CHD1: variants seen among roughly 807,000 people sequenced by gnomAD.
CHD1 encodes the protein chromodomain helicase DNA binding protein 1.
A neutral mutation model predicts 224.2 loss-of-function variants in CHD1; 36 were observed. That is an observed-to-expected ratio of 0.16 (90% CI 0.12 to 0.21). CHD1 has a LOEUF of 0.21. Among genes scored for constraint, CHD1 ranks in the 10% least tolerant of loss-of-function variants. The pLI is 1.00. For missense variants in CHD1, 1,378 were observed against 1,994.8 expected (o/e 0.69, Z 5.89); for synonymous variants, 668 against 658.3 (o/e 1.01, Z -0.23).
chr5:98,859,721 A>G (rs1028157078), intron 33 of CHD1, among the ~76,000 whole-genome samples: 2 of 152,076 alleles, frequency 1.3e-5, no homozygotes, highest in African/African-American at 4.8e-5. Flanking sequence ...GTTTCTCTAT[A>G]AAGTTATTAT....
rs1485727052 is a variant in CHD1, at chr5:98,899,483, C to G, written c.1082G>C (p.Arg361Thr). 7 of 1,572,950 alleles carry G rather than the reference C, an allele frequency of 4.5e-6. No individual in the cohort carries two copies. The highest frequency in any genetic ancestry group is 6.1e-6 in the Non-Finnish European group (7 of 1,144,910). Residue 361 changes from arginine (R) to threonine (T), a missense_variant, in exon 8 of 36, where the codon AGA becomes ACA. Arg to Thr is a moderately conservative substitution (Grantham distance 71). Coordinates refer to ENST00000614616, the MANE Select transcript of CHD1 (RefSeq NM_001270.4). ...NYKKKDQETK[R>T]WLKNASPEDV... is the part of the protein sequence containing the mutation. ...ATATGATATACAGCATACTTACCATCTTTTTGTTTCCTGATCTTTTTTCTT... is the reference window on the plus strand; with the variant it reads ...ATATGATATACAGCATACTTACCATGTTTTTGTTTCCTGATCTTTTTTCTT...
intron 20 of CHD1, 145 bp downstream of exon 20, chr5:98,881,830 T>G: frequency 1.6e-6 from 1 of 644,658 alleles, no homozygotes; most frequent in South Asian, 2.7e-5. Context: ...GTATGTCTTC[T>G]AACTAGAAAT....
intron 2 of CHD1, among the ~76,000 whole-genome samples, chr5:98,917,299 C>CAAAAAAAAAAAAAAAAAAAAA (rs70984334): frequency 5.1e-4 from 61 of 119,800 alleles, no homozygotes; most frequent in African/African-American, 6.7e-4. Context: ...AACAAAGAAA[C>CAAAAAAAAAAAAAAAAAAAAA]AAAAAAAAAA....
At chr5:98,868,847 C>A in intron 30 of CHD1, 1 of 581,310 alleles carries the variant, frequency 1.7e-6, no homozygotes, top group Non-Finnish European at 2.7e-6. Flanking sequence ...GAAGGTAAAG[C>A]ATTAAAGAGT....
chr5:98,914,958 C>T (rs1308129933), intron 2 of CHD1, among the ~76,000 whole-genome samples: 2 of 152,106 alleles, frequency 1.3e-5, no homozygotes, highest in Non-Finnish European at 2.9e-5. Context: ...GACCACTGTC[C>T]ACTTTAGCAT....
chr5:98,919,142 T>A (rs1250845311), intron 2 of CHD1, among the ~76,000 whole-genome samples: 1 of 152,224 alleles, frequency 6.6e-6, no homozygotes, highest in Admixed American at 6.5e-5. Context: ...ACAATTCTCC[T>A]GGGAATCTTA....
intron 2 of CHD1, among the ~76,000 whole-genome samples, chr5:98,906,464 C>T (rs1035792191): frequency 2.6e-5 from 4 of 151,946 alleles, no homozygotes; most frequent in Non-Finnish European, 1.5e-5. Flanking sequence ...TTTATTTTTC[C>T]CTTAACATAA....
intron 2 of CHD1, among the ~76,000 whole-genome samples, chr5:98,905,594 T>C (rs1751996552): frequency 6.6e-6 from 1 of 152,186 alleles, no homozygotes; most frequent in African/African-American, 2.4e-5. Context: ...TTTCCATCTC[T>C]ATCACTCCAG....
Position 98,856,659 on chromosome 5 carries a change from A to C in CHD1, c.4854T>G (p.Asn1618Lys). ...DDHRSRDHRS[N>K]LEGSLKDRSH... ...ATCTATCTTTTAAACTTCCTTCCAAATTTGACCTGTGATCTCTACTCCTGT... is the reference window on the plus strand; with the variant it reads ...ATCTATCTTTTAAACTTCCTTCCAACTTTGACCTGTGATCTCTACTCCTGT... The change falls in exon 36 of 36, where the codon AAT (asparagine) becomes AAG (lysine). Residue 1618 changes from asparagine to lysine, a missense_variant. Asn to Lys is a moderately conservative substitution (Grantham distance 94). Coordinates refer to ENST00000614616, the MANE Select transcript of CHD1 (RefSeq NM_001270.4). 1 of 1,613,726 alleles carries C rather than the reference A, an allele frequency of 6.2e-7. No individual in the cohort carries two copies. The highest frequency in any genetic ancestry group is 8.5e-7 in the Non-Finnish European group (1 of 1,179,774).
At chr5:98,913,407 G>C (rs1414007898) in intron 2 of CHD1, among the ~76,000 whole-genome samples, 2 of 152,132 alleles carry the variant, frequency 1.3e-5, no homozygotes, top group African/African-American at 2.4e-5. Context: ...CCAGGGGTTC[G>C]AGGCTGCAAT....
intron 34 of CHD1, chr5:98,858,616 T>G (rs1181443703): frequency 8.2e-6 from 4 of 489,316 alleles, no homozygotes; most frequent in Non-Finnish European, 1.4e-5. Context: ...ATATGGGACC[T>G]ATTCCTTTCT....
chr5:98,880,414 T>G (rs1750089734), intron 22 of CHD1, among the ~76,000 whole-genome samples: 1 of 152,070 alleles, frequency 6.6e-6, no homozygotes, highest in Non-Finnish European at 1.5e-5. Context: ...TTATAAAAGT[T>G]TTTTATTCAC....
At chr5:98,874,936 C>A in intron 25 of CHD1, 136 bp downstream of exon 25, 2 of 579,762 alleles carry the variant, frequency 3.4e-6, no homozygotes, top group Non-Finnish European at 6.2e-6. Context: ...CTGAAATTTC[C>A]CTTGTACATT....
intron 23 of CHD1, 60 bp downstream of exon 23, chr5:98,879,492 A>G (rs1474534113): frequency 1.4e-6 from 2 of 1,474,626 alleles, no homozygotes; most frequent in Non-Finnish European, 1.8e-6. Context: ...GAAACAAACA[A>G]AATCAGCCCA....
chr5:98,867,048 C>G (rs575755632), intron 31 of CHD1, among the ~76,000 whole-genome samples: 1 of 152,276 alleles, frequency 6.6e-6, no homozygotes, highest in African/African-American at 2.4e-5. Flanking sequence ...TTCATACTTA[C>G]TTACCAAATA....
At chr5:98,908,934 AAAATAGTAATTCAAATT>A (rs1351912594) in intron 2 of CHD1, among the ~76,000 whole-genome samples, 1 of 152,178 alleles carries the variant, frequency 6.6e-6, no homozygotes, top group Non-Finnish European at 1.5e-5. Context: ...TTTAAAAGAT[AAAATAGTAATTCAAATT>A]AAAGTGTCTT....
intron 19 of CHD1, among the ~76,000 whole-genome samples, 189 bp downstream of exon 19, chr5:98,882,899 A>ATAGT (rs1750298306): frequency 6.6e-6 from 1 of 152,198 alleles, no homozygotes; most frequent in Admixed American, 6.5e-5. Context: ...CTATATATGC[A>ATAGT]TAGTTATCTC....
intron 2 of CHD1, among the ~76,000 whole-genome samples, chr5:98,924,980 A>T (rs898319667): frequency 2.0e-5 from 3 of 151,366 alleles, no homozygotes; most frequent in Non-Finnish European, 4.4e-5. Flanking sequence ...TCTGTCTCAA[A>T]AAAAAAAAAA....
At chr5:98,904,156 G>C (rs1751899051) in intron 3 of CHD1, among the ~76,000 whole-genome samples, 1 of 152,110 alleles carries the variant, frequency 6.6e-6, no homozygotes, top group Non-Finnish European at 1.5e-5. Flanking sequence ...TTGATGCTAA[G>C]AGTATTATTT....
Sources: allele counts gnomAD v4.1 joint callset (sites outside exome capture counted in the v4.1 genomes callset), GRCh38; gene constraint gnomAD v4.1.1; transcripts MANE v1.5; gene names NCBI Gene and HGNC (gene_info 2026-07-23, HGNC 2026-07-21).